THSD7B: variants seen among roughly 807,000 people sequenced by gnomAD.
THSD7B encodes the protein thrombospondin type-1 domain-containing protein 7B.
A neutral mutation model predicts 213.6 loss-of-function variants in THSD7B; 138 were observed. That is an observed-to-expected ratio of 0.65 (90% CI 0.56 to 0.74). The LOEUF is 0.74. THSD7B is among the 30% of genes least tolerant of loss of function. THSD7B has a pLI of 0.00. For synonymous variants in THSD7B, 742 were observed against 687.0 expected (o/e 1.08, Z -1.25); for missense variants, 1,931 against 1,991.5 (o/e 0.97, Z 0.58).
chr2:136,990,072 A>C (rs1291461514), intron 2 of THSD7B, among the ~76,000 whole-genome samples: 1 of 152,246 alleles, frequency 6.6e-6, no homozygotes, highest in Non-Finnish European at 1.5e-5. Context: ...TCATTGAGTT[A>C]GAAATGTTCT....
chr2:137,137,688 T>A (rs1252559912), intron 5 of THSD7B, among the ~76,000 whole-genome samples: 1 of 152,162 alleles, frequency 6.6e-6, no homozygotes, highest in Admixed American at 6.6e-5. Flanking sequence ...AATTGCCTGA[T>A]GACACATTTC....
intron 6 of THSD7B, among the ~76,000 whole-genome samples, chr2:137,164,416 T>G (rs531002025): frequency 6.6e-6 from 1 of 152,274 alleles, no homozygotes; most frequent in South Asian, 2.1e-4. Flanking sequence ...ATAGGAACAC[T>G]TTTACACTGT....
chr2:137,321,384 G>A (rs997745399), intron 12 of THSD7B, among the ~76,000 whole-genome samples: 1 of 152,188 alleles, frequency 6.6e-6, no homozygotes, highest in African/African-American at 2.4e-5. Context: ...TCAGCCTTGT[G>A]CTTTGTATAT....
chr2:137,175,747 C>T (rs895450751), intron 7 of THSD7B, among the ~76,000 whole-genome samples: 2 of 152,088 alleles, frequency 1.3e-5, no homozygotes, highest in African/African-American at 4.8e-5. Flanking sequence ...TTAGAATAAT[C>T]ATTTACCTAA....
rs1448838064 is a variant in THSD7B, at chr2:137,331,331, C to T, written c.2500+55305C>T. Among the ~76,000 whole-genome samples, 3 of 151,926 alleles carry T rather than the reference C, an allele frequency of 2.0e-5. No individual in the cohort carries two copies. The East Asian group carries it at 5.8e-4, about 29-fold the overall frequency. ...GGTGCTGATTGGTGTATTTACAATCCCTGAGCTAGACATAAACGTTCTCCA... is the reference window on the plus strand; with the variant it reads ...GGTGCTGATTGGTGTATTTACAATCTCTGAGCTAGACATAAACGTTCTCCA... On this transcript the variant is annotated intron_variant, in intron 12 of 27. Transcript: ENST00000409968.
chr2:136,918,979 G>T (rs1684392199), intron 2 of THSD7B, among the ~76,000 whole-genome samples: 1 of 152,156 alleles, frequency 6.6e-6, no homozygotes, highest in African/African-American at 2.4e-5. Context: ...TGCTCTTCAT[G>T]AAGGTGTTTA....
chr2:136,850,238 T>A (rs1327038738), intron 1 of THSD7B, among the ~76,000 whole-genome samples: 1 of 152,120 alleles, frequency 6.6e-6, no homozygotes, highest in African/African-American at 2.4e-5. Context: ...AACTGTATAA[T>A]GCTGCATTGT....
intron 21 of THSD7B, among the ~76,000 whole-genome samples, chr2:137,652,901 TATC>T (rs2104814102): frequency 6.6e-6 from 1 of 152,310 alleles, no homozygotes; most frequent in South Asian, 2.1e-4. Flanking sequence ...ATTTTTATAT[TATC>T]ATTCTTAGGT....
At chr2:137,036,083 G>C (rs1274779867) in intron 2 of THSD7B, among the ~76,000 whole-genome samples, 2 of 152,096 alleles carry the variant, frequency 1.3e-5, no homozygotes, top group African/African-American at 4.8e-5. Flanking sequence ...AAAAAATTAA[G>C]TGATTCAGAG....
intron 3 of THSD7B, among the ~76,000 whole-genome samples, chr2:137,072,868 GT>G (rs1380393188): frequency 6.6e-6 from 1 of 152,098 alleles, no homozygotes; most frequent in Non-Finnish European, 1.5e-5. Flanking sequence ...TAACCATGTG[GT>G]TTTTGTCTTT....
intron 12 of THSD7B, among the ~76,000 whole-genome samples, chr2:137,282,978 C>T (rs1053802896): frequency 6.6e-6 from 1 of 152,078 alleles, no homozygotes; most frequent in African/African-American, 2.4e-5. Context: ...GGCATTGAAT[C>T]TATAAATTAC....
At chr2:136,782,946 G>A (rs1319911741) in intron 1 of THSD7B, among the ~76,000 whole-genome samples, 1 of 152,112 alleles carries the variant, frequency 6.6e-6, no homozygotes, top group East Asian at 1.9e-4. Flanking sequence ...ATTCAACAGA[G>A]GAAGATCACA....
At chr2:136,771,562 C>T (rs1681504925) in intron 1 of THSD7B, among the ~76,000 whole-genome samples, 1 of 152,120 alleles carries the variant, frequency 6.6e-6, no homozygotes, top group African/African-American at 2.4e-5. Context: ...TGTTGCTTTC[C>T]CTACTCCTGT....
intron 14 of THSD7B, among the ~76,000 whole-genome samples, chr2:137,436,709 T>A (rs746265521): frequency 1.3e-5 from 2 of 152,180 alleles, no homozygotes; most frequent in Non-Finnish European, 2.9e-5. Context: ...ATGGTATGAA[T>A]ATAATTTACA....
chr2:137,192,778 C>A (rs966051444), intron 7 of THSD7B, among the ~76,000 whole-genome samples: 1 of 152,100 alleles, frequency 6.6e-6, no homozygotes, highest in Non-Finnish European at 1.5e-5. Context: ...AGGAAAAAAA[C>A]CATTTCACTT....
At chr2:136,858,767 A>G (rs1683214768) in intron 1 of THSD7B, among the ~76,000 whole-genome samples, 1 of 152,142 alleles carries the variant, frequency 6.6e-6, no homozygotes, top group South Asian at 2.1e-4. Context: ...AATTGCTTTT[A>G]CCACCCAGTG....
intron 4 of THSD7B, among the ~76,000 whole-genome samples, chr2:137,111,928 T>C (rs1403449673): frequency 6.6e-6 from 1 of 152,124 alleles, no homozygotes; most frequent in Non-Finnish European, 1.5e-5. Context: ...GAGGGCCAAA[T>C]GAGGCTGCTT....
At chr2:137,276,696 T>A (rs995827636) in intron 12 of THSD7B, among the ~76,000 whole-genome samples, 1 of 152,104 alleles carries the variant, frequency 6.6e-6, no homozygotes, top group African/African-American at 2.4e-5. Flanking sequence ...GGAAGCTTGA[T>A]ATGAAGTGCA....
intron 2 of THSD7B, among the ~76,000 whole-genome samples, chr2:136,887,005 T>G (rs1464527210): frequency 6.6e-6 from 1 of 152,184 alleles, no homozygotes; most frequent in South Asian, 2.1e-4. Flanking sequence ...AAATTTGTGA[T>G]CTGGCATAGG....
Sources: gnomAD v4.1 joint callset for allele counts (sites outside exome capture counted in the v4.1 genomes callset) on GRCh38, gnomAD v4.1.1 for gene constraint, MANE v1.5 for transcripts, NCBI Gene and HGNC (gene_info 2026-07-23, HGNC 2026-07-21) for gene names.